ASIC2: variants seen among roughly 807,000 people sequenced by gnomAD.
ASIC2 encodes the protein acid sensing ion channel subunit 2, also known as acid-sensing ion channel 2.
In ASIC2, 25 loss-of-function variants were observed where a neutral mutation model predicts 57.3. The observed-to-expected ratio is 0.44, with a 90% confidence interval of 0.32 to 0.61. The LOEUF (loss-of-function observed/expected upper bound fraction) is 0.61, where lower values mean the gene tolerates loss of function less well. Among genes scored for constraint, ASIC2 ranks in the 20% least tolerant of loss-of-function variants. The probability of loss-of-function intolerance (pLI) is 0.06; values close to 1 mark genes in which losing one functional copy is unlikely to be tolerated. For synonymous variants in ASIC2, 319 were observed against 307.5 expected, an observed-to-expected ratio of 1.04 and a Z score of -0.39; for missense variants, 641 against 738.1, an observed-to-expected ratio of 0.87 and a Z score of 1.52.
At chr17:33,341,475 G>T (rs1907719630) in intron 1 of ASIC2, among the ~76,000 whole-genome samples, 1 of 151,930 alleles carries the variant, frequency 6.6e-6, no homozygotes, top group African/African-American at 2.4e-5. Flanking sequence ...ACGCTCATTT[G>T]TTTAGGCATT....
In ASIC2 at chr17:33,473,206, G is replaced by A. The variant is rs541220429; in HGVS notation, c.556-361139C>T. ...CCCTGGGGCAGGGACTGGCATGGGGGACTATGGCATAATATCCATCTGTTC... is the reference window on the plus strand; with the variant it reads ...CCCTGGGGCAGGGACTGGCATGGGGAACTATGGCATAATATCCATCTGTTC... On this transcript the variant is annotated intron_variant, in intron 1 of 9. Coordinates refer to the ASIC2 transcript ENST00000359872. Among the ~76,000 whole-genome samples, 3 of 152,368 alleles carry A rather than the reference G, an allele frequency of 2.0e-5. No homozygotes were observed. In the East Asian group the frequency reaches 5.8e-4, roughly 29 times the overall value.
chr17:33,277,326 G>C (rs1179435376), intron 1 of ASIC2, among the ~76,000 whole-genome samples: 3 of 152,170 alleles, frequency 2.0e-5, no homozygotes, highest in African/African-American at 7.2e-5. Flanking sequence ...CATGAGTCAG[G>C]GAAGTTCTGG....
chr17:34,092,138 C>A (rs921912074), intron 1 of ASIC2, among the ~76,000 whole-genome samples: 1 of 152,116 alleles, frequency 6.6e-6, no homozygotes, highest in African/African-American at 2.4e-5. Context: ...CAGTACACCC[C>A]CAAAATGAGG....
chr17:33,680,154 T>C (rs1460523982), intron 1 of ASIC2, among the ~76,000 whole-genome samples: 1 of 152,022 alleles, frequency 6.6e-6, no homozygotes, highest in African/African-American at 2.4e-5. Context: ...GCTTAAAGAT[T>C]GGGAACCCCT....
At chr17:33,015,855 C>T in intron 9 of ASIC2, 116 bp downstream of exon 9, 1 of 1,076,510 alleles carries the variant, frequency 9.3e-7, no homozygotes, top group East Asian at 2.4e-5. Flanking sequence ...ATGTCCCAAG[C>T]CATGGAAAGG....
rs373365608 is a variant in ASIC2 at position 33,725,040 on chromosome 17, C to T, written c.555+430938G>A. 4.6e-5 allele frequency among the ~76,000 whole-genome samples: 7 copies of T among 152,250 alleles called. No homozygotes were observed. The East Asian group carries it at 1.3e-3, about 29-fold the overall frequency. On this transcript the variant is annotated intron_variant, in intron 1 of 9. Transcript: ENST00000359872. Reference sequence around the variant, plus strand: ...AGGCAGGTTGGCAGCTTGCACTTGTCGGGACGCCCCTTCTGGATCCTCGCT... The same window carrying T: ...AGGCAGGTTGGCAGCTTGCACTTGTTGGGACGCCCCTTCTGGATCCTCGCT...
At chr17:33,789,449 A>C (rs560991393) in intron 1 of ASIC2, among the ~76,000 whole-genome samples, 1 of 144,178 alleles carries the variant, frequency 6.9e-6, no homozygotes, top group Non-Finnish European at 1.5e-5. Context: ...TGTGAGATTT[A>C]GCAGAGAATC....
chr17:33,438,709 A>T (rs757021807), intron 1 of ASIC2, among the ~76,000 whole-genome samples: 7 of 152,138 alleles, frequency 4.6e-5, no homozygotes, highest in Admixed American at 6.5e-5. Flanking sequence ...AAAGCTGAAC[A>T]GGACAATTAC....
chr17:33,415,549 C>A (rs934720383), intron 1 of ASIC2, among the ~76,000 whole-genome samples: 3 of 143,968 alleles, frequency 2.1e-5, no homozygotes, highest in Non-Finnish European at 3.1e-5. Context: ...AGAGAGAATT[C>A]ATTTAGTTCA....
intron 1 of ASIC2, among the ~76,000 whole-genome samples, chr17:33,475,299 TA>T (rs11294461): frequency 0.37 from 50,374 of 134,738 alleles, 9,364 homozygotes; most frequent in African/African-American, 0.55. Context: ...GGTCTTTTTT[TA>T]AAAAAAAAGA....
intron 1 of ASIC2, among the ~76,000 whole-genome samples, chr17:33,941,299 A>C (rs1303125006): frequency 3.9e-5 from 6 of 152,314 alleles, no homozygotes; most frequent in Middle Eastern, 3.4e-3. Context: ...AGACGCCCTC[A>C]GAAGAAAAGC....
At position 34,145,060 on chromosome 17, in the gene ASIC2, A is replaced by G. The variant is rs1912380504; in HGVS notation, c.555+10918T>C. Among the ~76,000 whole-genome samples the G allele has an allele frequency of 2.0e-5, 3 of 152,294 alleles. No homozygotes were observed. The South Asian group carries it at 6.2e-4, about 32-fold the overall frequency. On this transcript the variant is annotated intron_variant, in intron 1 of 9. Transcript: ENST00000359872. ...GGGTTGGCTCTAGCTCCCAGAATTT[A>G]TGACAAATTCCTCTGGGAACTGCCT...
chr17:34,108,939 T>C (rs1239378756), intron 1 of ASIC2, among the ~76,000 whole-genome samples: 1 of 152,106 alleles, frequency 6.6e-6, no homozygotes, highest in Non-Finnish European at 1.5e-5. Flanking sequence ...TTTTACCCCC[T>C]ATATCTTGGT....
At chr17:34,043,319 AG>A (rs552733632) in intron 1 of ASIC2, among the ~76,000 whole-genome samples, 14 of 152,202 alleles carry the variant, frequency 9.2e-5, no homozygotes, top group Non-Finnish European at 2.1e-4. Flanking sequence ...TATTTTTTAA[AG>A]GTTATTACAT....
intron 1 of ASIC2, among the ~76,000 whole-genome samples, chr17:34,028,912 C>T (rs1907478416): frequency 6.6e-6 from 1 of 152,186 alleles, no homozygotes; most frequent in Non-Finnish European, 1.5e-5. Flanking sequence ...CATGGCTGTT[C>T]CTTGAACATA....
At chr17:34,030,748 T>C (rs547969207) in intron 1 of ASIC2, among the ~76,000 whole-genome samples, 1 of 152,316 alleles carries the variant, frequency 6.6e-6, no homozygotes, top group South Asian at 2.1e-4. Flanking sequence ...CCACGGAGTC[T>C]TGCTCATTGC....
chr17:33,315,642 T>A (rs949856721), intron 1 of ASIC2, among the ~76,000 whole-genome samples: 14 of 152,202 alleles, frequency 9.2e-5, no homozygotes, highest in Non-Finnish European at 2.9e-5. Context: ...AGGGAGGAAA[T>A]TTTTTCTTGG....
At chr17:33,087,503 T>A (rs2092138883) in intron 3 of ASIC2, among the ~76,000 whole-genome samples, 1 of 151,798 alleles carries the variant, frequency 6.6e-6, no homozygotes, top group African/African-American at 2.4e-5. Flanking sequence ...GCACAGTTTG[T>A]GAGGCCTATG....
intron 1 of ASIC2, among the ~76,000 whole-genome samples, chr17:33,202,711 A>G (rs971350809): frequency 6.6e-6 from 1 of 152,240 alleles, no homozygotes; most frequent in African/African-American, 2.4e-5. Context: ...ACATAATTGC[A>G]GTTCATTGTT....
Sources: allele counts gnomAD v4.1 joint callset (sites outside exome capture counted in the v4.1 genomes callset), GRCh38; gene constraint gnomAD v4.1.1; transcripts MANE v1.5; gene names NCBI Gene and HGNC (gene_info 2026-07-23, HGNC 2026-07-21).